The following ARHGAP18 variants were observed in gnomAD, a reference collection of about 807,000 sequenced individuals.
ARHGAP18 encodes rho GTPase-activating protein 18.
ARHGAP18 carries 67 observed loss-of-function variants against 86.2 expected under a neutral mutation model. That is an observed-to-expected ratio of 0.78 (90% CI 0.64 to 0.95). ARHGAP18 has a LOEUF of 0.95. ARHGAP18 is among the 40% of genes least tolerant of loss of function. The probability of loss-of-function intolerance (pLI) is 0.00; values close to 1 mark genes in which losing one functional copy is unlikely to be tolerated. For missense variants in ARHGAP18, 691 were observed against 780.4 expected, an observed-to-expected ratio of 0.89 and a Z score of 1.37; for synonymous variants, 283 against 280.4, an observed-to-expected ratio of 1.01 and a Z score of -0.09.
chr6:129,667,300 C>A lies in ARHGAP18; in HGVS notation c.114-25282G>T, dbSNP rs909428351. Reference sequence around the variant, plus strand: ...TTTAGAACAGTGACATCTCTTAATACTTCTCAGGGATAGATAGAATTGAAC... The same window carrying A: ...TTTAGAACAGTGACATCTCTTAATAATTCTCAGGGATAGATAGAATTGAAC... On this transcript the variant is annotated intron_variant, in intron 1 of 14. Coordinates refer to ENST00000368149, the MANE Select transcript of ARHGAP18 (RefSeq NM_033515.3). Among the ~76,000 whole-genome samples the A allele has an allele frequency of 5.3e-5, 8 of 152,074 alleles. No individual in the cohort carries two copies. The East Asian group carries it at 1.5e-3, about 29-fold the overall frequency.
At chr6:129,704,498 C>A (rs903974485) in intron 1 of ARHGAP18, among the ~76,000 whole-genome samples, 1 of 152,010 alleles carries the variant, frequency 6.6e-6, no homozygotes, top group African/African-American at 2.4e-5. Flanking sequence ...GCTCAACTTA[C>A]CCCAGCCCCC....
intron 7 of ARHGAP18, among the ~76,000 whole-genome samples, chr6:129,614,257 T>C (rs1339156667): frequency 2.0e-5 from 3 of 152,202 alleles, no homozygotes; most frequent in Non-Finnish European, 2.9e-5. Flanking sequence ...GTTTCTAATT[T>C]TTTCCATTTT....
chr6:129,605,171 T>C (rs1273578939), intron 10 of ARHGAP18, among the ~76,000 whole-genome samples: 1 of 152,152 alleles, frequency 6.6e-6, no homozygotes, highest in East Asian at 1.9e-4. Context: ...TAATTAAACC[T>C]TTTACAACTA....
In ARHGAP18 at chr6:129,577,892, A is replaced by C. The variant is rs1430484665; in HGVS notation, c.*621T>G. The stretch of plus-strand genomic sequence containing the variant: ...TGGTCGCTGATACGGTTCTGTGAAC[A>C]TAAGTCAGATGAACTGAAAAAAAAT... On this transcript the variant is annotated 3_prime_UTR_variant, in exon 15 of 15. Transcript: ENST00000368149. 6.6e-6 allele frequency: 1 copy of C among 152,232 alleles called. No homozygotes were observed. Among genetic ancestry groups the C allele is most frequent in the Non-Finnish European group, 1.5e-5 (1 of 68,030 alleles). The allele number at this position is 152,232 out of a possible 1,614,324, so 9.4% of individuals were successfully genotyped here.
chr6:129,645,185 A>G (rs1021628590), intron 1 of ARHGAP18, among the ~76,000 whole-genome samples: 8 of 152,212 alleles, frequency 5.3e-5, no homozygotes, highest in Non-Finnish European at 1.0e-4. Flanking sequence ...TTCAGTTTAC[A>G]TCAATGAACA....
At chr6:129,604,492 A>T (rs1788813154) in intron 10 of ARHGAP18, among the ~76,000 whole-genome samples, 1 of 152,128 alleles carries the variant, frequency 6.6e-6, no homozygotes, top group African/African-American at 2.4e-5. Context: ...AGGGTCGTCA[A>T]TGAGTAAGAA....
rs903774572 is a variant in ARHGAP18 at position 129,584,240 on chromosome 6, T to C, written c.1714-128A>G. Reference sequence around the variant, plus strand: ...TTCACTACATAAAAACCTTAACTACTGTATAATGTAATTTGCAAAATTACA... The same window carrying C: ...TTCACTACATAAAAACCTTAACTACCGTATAATGTAATTTGCAAAATTACA... On this transcript the variant is annotated intron_variant, in intron 12 of 14. Transcript: ENST00000368149. 4 of 1,302,228 alleles carry C rather than the reference T, an allele frequency of 3.1e-6. No homozygotes were observed. The African/African-American group carries it at 6.0e-5, about 19-fold the overall frequency. 80.7% of individuals were successfully genotyped at this position (1,302,228 alleles called of 1,614,324 possible).
intron 11 of ARHGAP18, among the ~76,000 whole-genome samples, chr6:129,599,976 C>T (rs1434706670): frequency 6.6e-6 from 1 of 152,018 alleles, no homozygotes; most frequent in African/African-American, 2.4e-5. Flanking sequence ...CATTTGAAAT[C>T]ATCTACATCA....
In ARHGAP18 at chr6:129,619,774, T is replaced by G. The variant is rs867318036; in HGVS notation, c.787-922A>C. Among the ~76,000 whole-genome samples, 10 of 151,760 alleles carry G rather than the reference T, an allele frequency of 6.6e-5. 1 individual carries two copies. In the Middle Eastern group the frequency reaches 0.014, roughly 208 times the overall value. ...CACATACACTTATGTATCTTTTAAT[T>G]GTCACAAAAGCCAAGTAAGATTGGT... is the stretch of plus-strand genomic sequence containing the variant. On this transcript the variant is annotated intron_variant, in intron 5 of 14. Coordinates refer to ENST00000368149, the MANE Select transcript of ARHGAP18 (RefSeq NM_033515.3).
Position 129,599,366 on chromosome 6 carries a change from A to G in ARHGAP18, c.1573-10T>C. 1 of 1,521,688 alleles carries G rather than the reference A, an allele frequency of 6.6e-7. No homozygotes were observed. The allele number at this position is 1,521,688 out of a possible 1,614,324, so 94.3% of individuals were successfully genotyped here. ...CAATAAACTTGGGAATCTATAGAGA[A>G]AAGGAATTAAGCTTAGAGAGGAAAA... On this transcript the variant is annotated splice_polypyrimidine_tract_variant and intron_variant, in intron 11 of 14. Transcript: ENST00000368149.
chr6:129,693,817 A>G (rs1774567212), intron 1 of ARHGAP18, among the ~76,000 whole-genome samples: 1 of 152,190 alleles, frequency 6.6e-6, no homozygotes, highest in African/African-American at 2.4e-5. Context: ...TGAGGATTAA[A>G]CAAATTCCAT....
At chr6:129,658,248 T>A (rs937521512) in intron 1 of ARHGAP18, among the ~76,000 whole-genome samples, 1 of 152,234 alleles carries the variant, frequency 6.6e-6, no homozygotes, top group Non-Finnish European at 1.5e-5. Context: ...TAATTTCACC[T>A]GCCACTTTGC....
At chr6:129,709,346 T>C (rs1774859831) in intron 1 of ARHGAP18, among the ~76,000 whole-genome samples, 1 of 152,168 alleles carries the variant, frequency 6.6e-6, no homozygotes, top group African/African-American at 2.4e-5. Flanking sequence ...AAGGTACCCT[T>C]TGCGCCTCAG....
At chr6:129,579,898 G>C (rs989012142) in intron 14 of ARHGAP18, among the ~76,000 whole-genome samples, 172 bp downstream of exon 14, 4 of 152,140 alleles carry the variant, frequency 2.6e-5, no homozygotes, top group South Asian at 2.1e-4. Flanking sequence ...CGCTCAAACA[G>C]AGCCTGAAGA....
At chr6:129,670,841 C>T (rs1774129757) in intron 1 of ARHGAP18, among the ~76,000 whole-genome samples, 1 of 152,080 alleles carries the variant, frequency 6.6e-6, no homozygotes, top group African/African-American at 2.4e-5. Flanking sequence ...CCCTCAGGTT[C>T]CTCCCCTCCA....
intron 1 of ARHGAP18, among the ~76,000 whole-genome samples, chr6:129,669,496 G>GA (rs1774104966): frequency 6.7e-6 from 1 of 149,396 alleles, no homozygotes; most frequent in Non-Finnish European, 1.5e-5. Flanking sequence ...TTAAAGTCAG[G>GA]AAAAATAGGC....
At chr6:129,621,135 T>C (rs1789220781) in intron 5 of ARHGAP18, among the ~76,000 whole-genome samples, 1 of 152,214 alleles carries the variant, frequency 6.6e-6, no homozygotes, top group Non-Finnish European at 1.5e-5. Flanking sequence ...TTTTCAGATA[T>C]GGTAAGTGTC....
intron 1 of ARHGAP18, among the ~76,000 whole-genome samples, chr6:129,678,340 T>G (rs1325746861): frequency 6.6e-6 from 1 of 152,246 alleles, no homozygotes; most frequent in African/African-American, 2.4e-5. Flanking sequence ...TCCAAATCCA[T>G]GCTGATACAA....
Position 129,641,667 on chromosome 6 carries a change from G to T in ARHGAP18, c.316+149C>A, listed in dbSNP as rs910952093. Reference sequence around the variant, plus strand: ...ATCTGGCAGTTGCATCCATAAATCTGCCTCAAACAAGTATTTTTCAAGTTG... The same window carrying T: ...ATCTGGCAGTTGCATCCATAAATCTTCCTCAAACAAGTATTTTTCAAGTTG... On this transcript the variant is annotated intron_variant, in intron 2 of 14. Transcript: ENST00000368149. The T allele has an allele frequency of 7.2e-6, 5 of 695,382 alleles. No homozygotes were observed. The African/African-American group carries it at 9.0e-5, about 13-fold the overall frequency. 43.1% of individuals were successfully genotyped at this position (695,382 alleles called of 1,614,324 possible). A position where few individuals can be genotyped will look rare whatever the true frequency, so the allele number is the denominator to read the frequency against.
Sources: gnomAD v4.1 joint callset for allele counts (sites outside exome capture counted in the v4.1 genomes callset) on GRCh38, gnomAD v4.1.1 for gene constraint, MANE v1.5 for transcripts, NCBI Gene and HGNC (gene_info 2026-07-23, HGNC 2026-07-21) for gene names.